The following NALCN variants were observed in gnomAD, a reference collection of about 807,000 sequenced individuals.
NALCN encodes sodium leak channel, non-selective.
Under a neutral mutation model 225.3 loss-of-function variants are expected in NALCN, and 111 were observed. That is an observed-to-expected ratio of 0.49 (90% CI 0.42 to 0.58). The LOEUF (loss-of-function observed/expected upper bound fraction) is 0.58, where lower values mean the gene tolerates loss of function less well. NALCN is among the 20% of genes least tolerant of loss of function. NALCN has a pLI of 0.00. For synonymous variants in NALCN, 764 were observed against 769.0 expected (o/e 0.99, Z 0.11); for missense variants, 1,378 against 2,202.4 (o/e 0.63, Z 7.49).
chr13:101,184,160 C>A (rs2039355871), intron 14 of NALCN, among the ~76,000 whole-genome samples: 1 of 152,128 alleles, frequency 6.6e-6, no homozygotes, highest in Admixed American at 6.5e-5. Context: ...TTCTTTATTT[C>A]CCTCAGATTA....
chr13:101,344,348 C>T (rs2045649864), intron 7 of NALCN, among the ~76,000 whole-genome samples: 1 of 151,990 alleles, frequency 6.6e-6, no homozygotes, highest in South Asian at 2.1e-4. Context: ...AACTATAATG[C>T]TTGAAATAAA....
In NALCN at chr13:101,362,309, A is replaced by G. The variant is rs551979811; in HGVS notation, c.644+14391T>C. 2.6e-5 allele frequency among the ~76,000 whole-genome samples: 4 copies of G among 152,238 alleles called. No homozygotes were observed. In the East Asian group the frequency reaches 5.8e-4, roughly 22 times the overall value. On this transcript the variant is annotated intron_variant, in intron 6 of 43. Coordinates refer to ENST00000251127, the MANE Select transcript of NALCN (RefSeq NM_052867.4). ...ATAGGTTTATGAATGTAGAATTAAA[A>G]TACAGAAGTTTCTCAAATGGTAAAA...
intron 7 of NALCN, among the ~76,000 whole-genome samples, chr13:101,331,662 C>A (rs1368452904): frequency 2.0e-5 from 3 of 152,202 alleles, no homozygotes; most frequent in East Asian, 3.9e-4. Context: ...AGAAGCCGAG[C>A]CCCTGCAAAA....
intron 18 of NALCN, among the ~76,000 whole-genome samples, chr13:101,116,151 T>C (rs984303096): frequency 6.6e-6 from 1 of 152,122 alleles, no homozygotes; most frequent in African/African-American, 2.4e-5. Context: ...ATGATTCAAA[T>C]GTGGGAATAT....
At chr13:101,414,652 C>G (rs1319546541) in intron 1 of NALCN, among the ~76,000 whole-genome samples, 1 of 152,148 alleles carries the variant, frequency 6.6e-6, no homozygotes, top group Admixed American at 6.5e-5. Context: ...CTAAATGACA[C>G]TATTTTGAGT....
rs548059962 is a variant in NALCN at position 101,278,799 on chromosome 13, G to A, written c.1134+5134C>T. ...TCTGGAAGCAAACTCCAAGTGTACT[G>A]CTTGCTTTAGACTCCAACGACATGC... is the stretch of plus-strand genomic sequence containing the variant. On this transcript the variant is annotated intron_variant, in intron 10 of 43. Transcript: ENST00000251127. 8.5e-5 allele frequency among the ~76,000 whole-genome samples: 13 copies of A among 152,250 alleles called. 1 individual carries two copies. The South Asian group carries it at 2.5e-3, about 29-fold the overall frequency.
At chr13:101,375,251 A>C (rs1370020578) in intron 6 of NALCN, among the ~76,000 whole-genome samples, 1 of 152,168 alleles carries the variant, frequency 6.6e-6, no homozygotes, top group Non-Finnish European at 1.5e-5. Flanking sequence ...TGTGCTGGTT[A>C]CTTTGCTTGT....
intron 7 of NALCN, among the ~76,000 whole-genome samples, chr13:101,335,557 G>T (rs1004719054): frequency 6.6e-6 from 1 of 152,060 alleles, no homozygotes; most frequent in Non-Finnish European, 1.5e-5. Context: ...ATTTTTATCA[G>T]AGCAAACAGA....
intron 30 of NALCN, among the ~76,000 whole-genome samples, chr13:101,085,865 C>T (rs1191816361): frequency 2.6e-5 from 4 of 152,132 alleles, no homozygotes; most frequent in African/African-American, 9.7e-5. Context: ...TAGCTCTTTA[C>T]ATCAATACAA....
chr13:101,070,453 A>G (rs1267100299), intron 37 of NALCN, among the ~76,000 whole-genome samples: 2 of 152,210 alleles, frequency 1.3e-5, no homozygotes, highest in Non-Finnish European at 2.9e-5. Flanking sequence ...AGCAATCACT[A>G]TCTATGGCAG....
intron 11 of NALCN, 101 bp from the exon 12 acceptor site, chr13:101,238,023 TAC>T: frequency 1.1e-6 from 1 of 941,212 alleles, no homozygotes; most frequent in South Asian, 1.6e-5. Flanking sequence ...CACTATCATA[TAC>T]ACTAAGGTGC....
At chr13:101,231,269 A>T (rs570781923) in intron 12 of NALCN, among the ~76,000 whole-genome samples, 1 of 152,280 alleles carries the variant, frequency 6.6e-6, no homozygotes, top group South Asian at 2.1e-4. Flanking sequence ...GCAAAAAAAA[A>T]TAAGTAATTA....
chr13:101,334,293 G>A (rs927892156), intron 7 of NALCN, among the ~76,000 whole-genome samples: 3 of 151,460 alleles, frequency 2.0e-5, no homozygotes, highest in Admixed American at 6.6e-5. Flanking sequence ...GAAGGGAGAT[G>A]AGTGCTGCTG....
At chr13:101,250,582 A>T (rs926096490) in intron 11 of NALCN, among the ~76,000 whole-genome samples, 1 of 152,042 alleles carries the variant, frequency 6.6e-6, no homozygotes, top group South Asian at 2.1e-4. Context: ...TCAAGTCCTT[A>T]TCTCATTCCA....
In NALCN at chr13:101,139,752, C is replaced by T. The variant is rs537005254; in HGVS notation, c.2118+3328G>A. On this transcript the variant is annotated intron_variant, in intron 17 of 43. Transcript: ENST00000251127. ...GAACTAATGGTGGTAGGGTCTGTGA[C>T]GGGGATTTTTGTTCTGTGTTTATGC... Among the ~76,000 whole-genome samples, 7 of 152,188 alleles carry T rather than the reference C, an allele frequency of 4.6e-5. No homozygotes were observed. In the South Asian group the frequency reaches 1.0e-3, roughly 23 times the overall value.
At chr13:101,193,234 T>C (rs988769719) in intron 13 of NALCN, among the ~76,000 whole-genome samples, 2 of 152,116 alleles carry the variant, frequency 1.3e-5, no homozygotes, top group Admixed American at 6.6e-5. Flanking sequence ...GTAAGTACTT[T>C]TCCAAATATT....
intron 1 of NALCN, among the ~76,000 whole-genome samples, chr13:101,412,458 C>G (rs2139562846): frequency 6.6e-6 from 1 of 152,278 alleles, no homozygotes; most frequent in African/African-American, 2.4e-5. Flanking sequence ...GAGGCCTACC[C>G]CTGCCCCCAC....
In NALCN at chr13:101,083,774, T is replaced by G. The variant is rs2033787734; in HGVS notation, c.3520A>C (p.Arg1174=). 2 of 1,613,878 alleles carry G rather than the reference T, an allele frequency of 1.2e-6. No individual in the cohort carries two copies. The highest frequency in any genetic ancestry group is 1.7e-5 in the Admixed American group (1 of 60,008). The change falls in exon 31 of 44, where the codon AGA becomes CGA. Residue 1174 remains arginine, a synonymous_variant. Transcript: ENST00000251127. ...AGTCGGCTCTTCAGGTCTTCCCATC[T>G]TCTCTGATCGACGGTCAGCAAAGCC... ...GTALLTVDQR[R]WEDLKSRLKI...
intron 28 of NALCN, among the ~76,000 whole-genome samples, chr13:101,091,153 A>C (rs2034210822): frequency 6.6e-6 from 1 of 152,200 alleles, no homozygotes; most frequent in Admixed American, 6.5e-5. Flanking sequence ...TTAAATAATT[A>C]AGATTTTGAT....
Sources: allele counts gnomAD v4.1 joint callset (sites outside exome capture counted in the v4.1 genomes callset), GRCh38; gene constraint gnomAD v4.1.1; transcripts MANE v1.5; gene names NCBI Gene and HGNC (gene_info 2026-07-23, HGNC 2026-07-21).